The following CTNNBL1 variants were observed in gnomAD, a reference collection of about 807,000 sequenced individuals.
CTNNBL1 encodes catenin beta like 1.
Under a neutral mutation model 72.7 loss-of-function variants are expected in CTNNBL1, and 31 were observed. The observed-to-expected ratio is 0.43, with a 90% CI of 0.32 to 0.58. The LOEUF is 0.58. Ranked by LOEUF, CTNNBL1 falls within the 20% of genes least tolerant of loss-of-function variation. The pLI, the probability that CTNNBL1 is intolerant of heterozygous loss-of-function variation, is 0.08. For synonymous variants in CTNNBL1, 240 were observed against 267.3 expected, an observed-to-expected ratio of 0.90 and a Z score of 1.00; for missense variants, 534 against 725.1, an observed-to-expected ratio of 0.74 and a Z score of 3.03.
chr20:37,786,414 G>A (rs1348023859), intron 10 of CTNNBL1, among the ~76,000 whole-genome samples: 1 of 152,176 alleles, frequency 6.6e-6, no homozygotes, highest in Non-Finnish European at 1.5e-5. Flanking sequence ...CTGGACTTGG[G>A]AACCTTAGAA....
chr20:37,833,247 A>G (rs1044152796), intron 11 of CTNNBL1, among the ~76,000 whole-genome samples: 4 of 152,214 alleles, frequency 2.6e-5, no homozygotes, highest in Non-Finnish European at 5.9e-5. Context: ...GCCCCCTGGA[A>G]AATCAAACTT....
chr20:37,704,426 CTT>C (rs1041828239), intron 1 of CTNNBL1, among the ~76,000 whole-genome samples: 1 of 152,028 alleles, frequency 6.6e-6, no homozygotes, highest in African/African-American at 2.4e-5. Context: ...ACTCTTAAAA[CTT>C]TGTTGACAGG....
chr20:37,704,644 G>T (rs1334247149), intron 1 of CTNNBL1, among the ~76,000 whole-genome samples: 1 of 151,892 alleles, frequency 6.6e-6, no homozygotes, highest in Non-Finnish European at 1.5e-5. Context: ...CCAGGAGATT[G>T]ATGTTGCAAT....
At chr20:37,865,924 G>A (rs1309351579) in intron 15 of CTNNBL1, among the ~76,000 whole-genome samples, 4 of 152,196 alleles carry the variant, frequency 2.6e-5, no homozygotes, top group African/African-American at 9.6e-5. Flanking sequence ...ATTCTTTATG[G>A]TTTAAAATCT....
intron 10 of CTNNBL1, among the ~76,000 whole-genome samples, chr20:37,781,301 T>C (rs752713064): frequency 2.0e-5 from 3 of 152,206 alleles, no homozygotes; most frequent in Non-Finnish European, 2.9e-5. Context: ...CTTAAGCTTC[T>C]TAAAGGTCTG....
At chr20:37,805,409 CT>C (rs11086324) in intron 11 of CTNNBL1, among the ~76,000 whole-genome samples, 95,461 of 121,432 alleles carry the variant, frequency 0.79, 37,253 homozygotes, top group Middle Eastern at 0.88. Context: ...TTTTTTTTTC[CT>C]TTTTTTTTTT....
At chr20:37,844,896 C>T (rs1365836059) in intron 13 of CTNNBL1, among the ~76,000 whole-genome samples, 5 of 152,066 alleles carry the variant, frequency 3.3e-5, no homozygotes, top group South Asian at 2.1e-4. Context: ...TGCAACAAGC[C>T]GAGATTGTGC....
At chr20:37,789,763 G>C (rs2073707877) in intron 10 of CTNNBL1, among the ~76,000 whole-genome samples, 1 of 152,162 alleles carries the variant, frequency 6.6e-6, no homozygotes, top group South Asian at 2.1e-4. Flanking sequence ...CCTTGTATCA[G>C]AATACTTCAA....
intron 1 of CTNNBL1, among the ~76,000 whole-genome samples, chr20:37,720,091 A>C (rs1274068447): frequency 1.3e-5 from 2 of 151,818 alleles, no homozygotes; most frequent in African/African-American, 2.4e-5. Flanking sequence ...GCAGTGGCGC[A>C]ATCTCGGCTC....
intron 3 of CTNNBL1, among the ~76,000 whole-genome samples, chr20:37,742,931 G>A (rs568945835): frequency 2.5e-4 from 38 of 152,168 alleles, no homozygotes; most frequent in African/African-American, 9.2e-4. Flanking sequence ...AGCTTCTCGA[G>A]TAGCTGGGAT....
chr20:37,839,571 G>GTACAGCCACCTTTAAACTTGAA (rs1555833389), intron 11 of CTNNBL1, among the ~76,000 whole-genome samples: 1 of 152,236 alleles, frequency 6.6e-6, no homozygotes, highest in Non-Finnish European at 1.5e-5. Flanking sequence ...AGTGCTTACA[G>GTACAGCCACCTTTAAACTTGAA]TACAGCCACC....
At chr20:37,827,427 C>T (rs2072169729) in intron 11 of CTNNBL1, among the ~76,000 whole-genome samples, 1 of 152,100 alleles carries the variant, frequency 6.6e-6, no homozygotes, top group African/African-American at 2.4e-5. Context: ...ATAAATCATC[C>T]AGGCCACCTA....
At chr20:37,857,731 C>T (rs1442723984) in intron 13 of CTNNBL1, among the ~76,000 whole-genome samples, 2 of 152,064 alleles carry the variant, frequency 1.3e-5, no homozygotes, top group Non-Finnish European at 2.9e-5. Flanking sequence ...GTGACAGGAG[C>T]CCAAGTTGTC....
intron 15 of CTNNBL1, among the ~76,000 whole-genome samples, chr20:37,866,155 C>T (rs935728405): frequency 2.0e-5 from 3 of 152,218 alleles, no homozygotes; most frequent in South Asian, 2.1e-4. Flanking sequence ...CTGTAGCCAG[C>T]GGCCTTGACA....
At chr20:37,746,651 G>A (rs376265883) in intron 4 of CTNNBL1, 44 bp downstream of exon 4, 105 of 1,611,500 alleles carry the variant, frequency 6.5e-5, no homozygotes, top group Non-Finnish European at 8.5e-5. Flanking sequence ...TGACATGGTG[G>A]GGAAGTGCTG....
chr20:37,723,674 A>T (rs2073060560), intron 1 of CTNNBL1, among the ~76,000 whole-genome samples: 1 of 152,196 alleles, frequency 6.6e-6, no homozygotes, highest in African/African-American at 2.4e-5. Flanking sequence ...AACACCTTTC[A>T]TTGGTATAGC....
chr20:37,862,997 G>A (rs1005276355), intron 15 of CTNNBL1, among the ~76,000 whole-genome samples: 4 of 152,080 alleles, frequency 2.6e-5, no homozygotes, highest in South Asian at 2.1e-4. Context: ...GCTCCATGAC[G>A]GACATTGTCT....
intron 1 of CTNNBL1, among the ~76,000 whole-genome samples, chr20:37,698,600 C>G (rs925644344): frequency 2.0e-5 from 3 of 152,220 alleles, no homozygotes; most frequent in Non-Finnish European, 4.4e-5. Flanking sequence ...ATTTCCAACT[C>G]TGTACATTCC....
chr20:37,753,425 A>G (rs1357576037), intron 4 of CTNNBL1, among the ~76,000 whole-genome samples: 6 of 152,228 alleles, frequency 3.9e-5, no homozygotes, highest in African/African-American at 1.2e-4. Context: ...TCTAGGTTTC[A>G]TGTGACACAT....
Sources: allele counts gnomAD v4.1 joint callset (sites outside exome capture counted in the v4.1 genomes callset), GRCh38; gene constraint gnomAD v4.1.1; transcripts MANE v1.5; gene names NCBI Gene and HGNC (gene_info 2026-07-23, HGNC 2026-07-21).